ECM2: variants seen among roughly 807,000 people sequenced by gnomAD.
ECM2 encodes extracellular matrix protein 2, female organ and adipocyte specific.
In ECM2, 57 loss-of-function variants were observed where a neutral mutation model predicts 67.5. The observed-to-expected ratio is 0.84, with a 90% confidence interval of 0.68 to 1.05. The LOEUF (loss-of-function observed/expected upper bound fraction) is 1.05, where lower values mean the gene tolerates loss of function less well. Among genes scored for constraint, ECM2 ranks in the 50% least tolerant of loss-of-function variants. The pLI is 0.00. For missense variants in ECM2, 741 were observed against 822.8 expected, an observed-to-expected ratio of 0.90 and a Z score of 1.22; for synonymous variants, 258 against 294.5, an observed-to-expected ratio of 0.88 and a Z score of 1.27.
the ECM2 span, among the ~76,000 whole-genome samples, chr9:92,547,169 G>A: frequency 6.6e-6 from 1 of 152,098 alleles, no homozygotes; most frequent in African/African-American, 2.4e-5. Context: ...AAAAATTTTT[G>A]ATAAAATTCA....
At chr9:92,550,667 G>A in the ECM2 span, among the ~76,000 whole-genome samples, 1 of 152,176 alleles carries the variant, frequency 6.6e-6, no homozygotes, top group Non-Finnish European at 1.5e-5. Context: ...TGAGGCAAGA[G>A]TACAAATGAA....
chr9:92,537,219 A>G (rs1849203011), upstream of ECM2, among the ~76,000 whole-genome samples: 1 of 152,090 alleles, frequency 6.6e-6, no homozygotes, highest in African/African-American at 2.4e-5. Flanking sequence ...ATCATTTGGC[A>G]AAGAGGAGCT....
the ECM2 span, among the ~76,000 whole-genome samples, chr9:92,555,245 T>TA: frequency 9.0e-6 from 1 of 110,812 alleles, no homozygotes. Context: ...TTTTTTTTTT[T>TA]AGATGGAGTT....
At chr9:92,545,332 G>A in the ECM2 span, among the ~76,000 whole-genome samples, 1 of 152,228 alleles carries the variant, frequency 6.6e-6, no homozygotes, top group South Asian at 2.1e-4. Flanking sequence ...TAGAGTTCTG[G>A]GTGGGCGTGG....
At chr9:92,513,845 C>T (rs1847513697) in intron 4 of ECM2, among the ~76,000 whole-genome samples, 1 of 152,154 alleles carries the variant, frequency 6.6e-6, no homozygotes, top group Non-Finnish European at 1.5e-5. Flanking sequence ...GTGGTGGTTA[C>T]ATGACTATGT....
rs368636331 is a variant in ECM2 at position 92,532,099 on chromosome 9, G to A, written c.-28+3834C>T. Among the ~76,000 whole-genome samples the A allele has an allele frequency of 7.3e-4, 100 of 136,748 alleles. 1 individual carries two copies. The highest frequency in any genetic ancestry group is 9.1e-4 in the Admixed American group (12 of 13,210). The allele number at this position is 136,748 out of a possible 152,430, so 89.7% of individuals were successfully genotyped here. On this transcript the variant is annotated intron_variant, in intron 1 of 9. Transcript: ENST00000344604. ...TGGCCTTGAATCCCTAGGCTAAAGC[G>A]ATCCACCTGACTCAACCTTTCGAGT...
At chr9:92,547,205 T>TAAAGAAAGCA in the ECM2 span, among the ~76,000 whole-genome samples, 164 of 152,198 alleles carry the variant, frequency 1.1e-3, 2 homozygotes, top group Non-Finnish European at 1.0e-3. Context: ...TTAAAAAGAA[T>TAAAGAAAGCA]AAAGAAAGCA....
the ECM2 span, among the ~76,000 whole-genome samples, chr9:92,553,476 A>G: frequency 3.9e-4 from 59 of 151,992 alleles, no homozygotes; most frequent in Non-Finnish European, 6.0e-4. Context: ...GATTGCGTTG[A>G]ATTTGTAGAT....
chr9:92,551,772 G>A, the ECM2 span, among the ~76,000 whole-genome samples: 2 of 151,530 alleles, frequency 1.3e-5, no homozygotes, highest in South Asian at 4.2e-4. Flanking sequence ...AACATTCGAT[G>A]TTTGGTTTTC....
At chr9:92,537,196 T>A (rs1849202508), upstream of ECM2, among the ~76,000 whole-genome samples, 1 of 151,998 alleles carries the variant, frequency 6.6e-6, no homozygotes, top group African/African-American at 2.4e-5. Context: ...ATATCGTTAT[T>A]TCAGGGGTCC....
rs1846978430 is a variant in ECM2, at chr9:92,505,903, T to C, written c.1307-213A>G. Among the ~76,000 whole-genome samples the C allele has an allele frequency of 4.6e-5, 7 of 152,024 alleles. No individual in the cohort carries two copies. The South Asian group carries it at 6.2e-4, about 14-fold the overall frequency. On this transcript the variant is annotated intron_variant, in intron 6 of 9. Coordinates refer to ENST00000344604, the MANE Select transcript of ECM2 (RefSeq NM_001393.4). Reference sequence around the variant, plus strand: ...CAGAACTAAATGCATGGTCCAGTAGTGAGGCAGACCTGAAAAAAATCATTG... The same window carrying C: ...CAGAACTAAATGCATGGTCCAGTAGCGAGGCAGACCTGAAAAAAATCATTG...
At chr9:92,533,224 C>CGGGAGGTGGAGGTTGCA (rs1848915207) in intron 1 of ECM2, among the ~76,000 whole-genome samples, 1 of 136,358 alleles carries the variant, frequency 7.3e-6, no homozygotes, top group Non-Finnish European at 1.5e-5. Context: ...CACTTGAACC[C>CGGGAGGTGGAGGTTGCA]GGGAGGTGGA....
chr9:92,496,185 A>G lies in ECM2; in HGVS notation c.*130T>C. 7.2e-7 allele frequency: 1 copy of G among 1,397,106 alleles called. No individual in the cohort carries two copies. The highest frequency in any genetic ancestry group is 9.2e-7 in the Non-Finnish European group (1 of 1,082,730). The allele number at this position is 1,397,106 out of a possible 1,614,324, so 86.5% of individuals were successfully genotyped here. A position where few individuals can be genotyped will look rare whatever the true frequency, so the allele number is the denominator to read the frequency against. On this transcript the variant is annotated 3_prime_UTR_variant, in exon 10 of 10. Transcript: ENST00000344604. ...TATTTTGGTTGTTCATCTGTGTGTT[A>G]GTGAATCAGGTTGACTAGCATATAA...
chr9:92,532,664 AGTTTTCAG>A (rs1848870925), intron 1 of ECM2, among the ~76,000 whole-genome samples: 1 of 151,984 alleles, frequency 6.6e-6, no homozygotes, highest in Non-Finnish European at 1.5e-5. Flanking sequence ...TGTATTTTCT[AGTTTTCAG>A]GTTTTCAGTA....
chr9:92,550,208 C>T, the ECM2 span, among the ~76,000 whole-genome samples: 1 of 152,120 alleles, frequency 6.6e-6, no homozygotes, highest in Non-Finnish European at 1.5e-5. Context: ...CCATCCTGGC[C>T]AACATGGCGA....
chr9:92,536,606 AC>A (rs1849176877), upstream of ECM2: 1 of 152,400 alleles, frequency 6.6e-6, no homozygotes, highest in Non-Finnish European at 1.5e-5. Context: ...ATTACCTGTT[AC>A]GCTGGCAAAT....
intron 7 of ECM2, among the ~76,000 whole-genome samples, chr9:92,504,819 G>T (rs938456017): frequency 3.9e-5 from 6 of 152,162 alleles, no homozygotes; most frequent in Admixed American, 3.9e-4. Flanking sequence ...GATTACTGGC[G>T]TGAGCCACTG....
intron 1 of ECM2, among the ~76,000 whole-genome samples, chr9:92,525,911 A>C (rs1848373870): frequency 6.6e-6 from 1 of 151,692 alleles, no homozygotes; most frequent in South Asian, 2.1e-4. Flanking sequence ...AAAAAAAAAA[A>C]AAAAGCACAT....
At chr9:92,544,802 G>A in the ECM2 span, among the ~76,000 whole-genome samples, 1 of 147,222 alleles carries the variant, frequency 6.8e-6, no homozygotes, top group African/African-American at 2.5e-5. Context: ...TGCAACCTCC[G>A]CCTCTCGGGT....
Sources: gnomAD v4.1 joint callset for allele counts (sites outside exome capture counted in the v4.1 genomes callset) on GRCh38, gnomAD v4.1.1 for gene constraint, MANE v1.5 for transcripts, NCBI Gene and HGNC (gene_info 2026-07-23, HGNC 2026-07-21) for gene names.